Variants in ADAM32 observed in about 807,000 individuals in gnomAD.
ADAM32 encodes the protein disintegrin and metalloproteinase domain-containing protein 32.
In ADAM32, 89 loss-of-function variants were observed where a neutral mutation model predicts 114.9. The observed-to-expected ratio is 0.77, with a 90% CI of 0.65 to 0.92. The LOEUF is 0.92. Ranked by LOEUF, ADAM32 falls within the 40% of genes least tolerant of loss-of-function variation. The pLI is 0.00. For synonymous variants in ADAM32, 285 were observed against 307.5 expected, an observed-to-expected ratio of 0.93 and a Z score of 0.77; for missense variants, 870 against 932.8, an observed-to-expected ratio of 0.93 and a Z score of 0.88.
chr8:39,159,315 C>T (rs1804342737), intron 6 of ADAM32, among the ~76,000 whole-genome samples: 1 of 152,166 alleles, frequency 6.6e-6, no homozygotes, highest in Admixed American at 6.5e-5. Flanking sequence ...AGAGAAAAGA[C>T]TTCCTTGGTT....
chr8:39,151,328 T>C, intron 5 of ADAM32, 49 bp from the exon 6 acceptor site: 3 of 1,400,218 alleles, frequency 2.1e-6, no homozygotes, highest in Non-Finnish European at 2.9e-6. Context: ...AGAAATTCAT[T>C]ATATAGATTT....
intron 14 of ADAM32, among the ~76,000 whole-genome samples, chr8:39,231,136 T>C (rs1809709387): frequency 6.6e-6 from 1 of 152,154 alleles, no homozygotes; most frequent in South Asian, 2.1e-4. Flanking sequence ...TCAGTCAGTT[T>C]TGAGTTAATC....
chr8:39,223,331 A>C, intron 14 of ADAM32, 93 bp downstream of exon 14: 5 of 803,598 alleles, frequency 6.2e-6, no homozygotes, highest in South Asian at 3.0e-5. Flanking sequence ...TAAAATGTGG[A>C]ATGTTTTATA....
chr8:39,181,137 C>T (rs908811172), intron 10 of ADAM32, among the ~76,000 whole-genome samples: 2 of 152,228 alleles, frequency 1.3e-5, no homozygotes, highest in African/African-American at 4.8e-5. Flanking sequence ...CGCTTGGGTC[C>T]TTTTCCACAC....
chr8:39,181,318 G>A (rs766869104), intron 10 of ADAM32, among the ~76,000 whole-genome samples: 11 of 152,072 alleles, frequency 7.2e-5, no homozygotes, highest in African/African-American at 1.5e-4. Flanking sequence ...CAGACGTGCC[G>A]TCTTAAGAAC....
chr8:39,181,949 T>G (rs2129446947), intron 10 of ADAM32, among the ~76,000 whole-genome samples: 1 of 152,304 alleles, frequency 6.6e-6, no homozygotes, highest in South Asian at 2.1e-4. Flanking sequence ...TACGATAAAA[T>G]TGTGGGAGGA....
At chr8:39,121,402 A>G (rs1840583516) in intron 2 of ADAM32, among the ~76,000 whole-genome samples, 1 of 152,084 alleles carries the variant, frequency 6.6e-6, no homozygotes, top group African/African-American at 2.4e-5. Context: ...TCGAGCAATG[A>G]GAACACATGG....
Position 39,256,442 on chromosome 8 carries a change from A to G in ADAM32, c.2006-745A>G, listed in dbSNP as rs941423259. Among the ~76,000 whole-genome samples the G allele has an allele frequency of 3.9e-5, 6 of 152,010 alleles. No homozygotes were observed. The South Asian group carries it at 6.2e-4, about 16-fold the overall frequency. On this transcript the variant is annotated intron_variant, in intron 18 of 24. Coordinates refer to ENST00000379907, the MANE Select transcript of ADAM32 (RefSeq NM_145004.7). Reference sequence around the variant, plus strand: ...TCATTTAAATCAGAAAAATCCATCAATTTCTGCTTAGGAGATGACAGAAGT... The same window carrying G: ...TCATTTAAATCAGAAAAATCCATCAGTTTCTGCTTAGGAGATGACAGAAGT...
intron 10 of ADAM32, among the ~76,000 whole-genome samples, chr8:39,178,394 T>C (rs1185719255): frequency 2.0e-5 from 3 of 152,248 alleles, no homozygotes; most frequent in Non-Finnish European, 1.5e-5. Context: ...ATAAACTGGC[T>C]ATTCTGGTTA....
At chr8:39,162,257 G>A (rs1379988412) in intron 7 of ADAM32, among the ~76,000 whole-genome samples, 5 of 147,696 alleles carry the variant, frequency 3.4e-5, no homozygotes, top group African/African-American at 1.3e-4. Flanking sequence ...GAGAACATGC[G>A]GTGTTTGGTT....
At chr8:39,121,910 C>T (rs979774136) in intron 2 of ADAM32, among the ~76,000 whole-genome samples, 6 of 152,186 alleles carry the variant, frequency 3.9e-5, no homozygotes, top group Admixed American at 3.9e-4. Flanking sequence ...TATTCTTGAA[C>T]CTTAAGATCT....
chr8:39,255,722 T>C (rs1053285317), intron 18 of ADAM32, among the ~76,000 whole-genome samples: 5 of 152,146 alleles, frequency 3.3e-5, no homozygotes, highest in African/African-American at 1.2e-4. Flanking sequence ...CAGAAGCTTT[T>C]AAATTTAATT....
intron 14 of ADAM32, among the ~76,000 whole-genome samples, chr8:39,226,288 A>G (rs1464706326): frequency 6.6e-6 from 1 of 152,138 alleles, no homozygotes; most frequent in Non-Finnish European, 1.5e-5. Context: ...ATAAGAGGTA[A>G]AAAAGGAGAA....
At chr8:39,222,992 G>A (rs1809088221) in intron 13 of ADAM32, 48 bp from the exon 14 acceptor site, 2 of 1,441,906 alleles carry the variant, frequency 1.4e-6, no homozygotes, top group South Asian at 2.8e-5. Flanking sequence ...TTAACAAACA[G>A]TAATCCTATT....
At chr8:39,128,237 C>T (rs1170383373) in intron 2 of ADAM32, among the ~76,000 whole-genome samples, 1 of 152,120 alleles carries the variant, frequency 6.6e-6, no homozygotes, top group Non-Finnish European at 1.5e-5. Flanking sequence ...GGATAATTAG[C>T]TCTTCTTGTT....
chr8:39,281,297 C>A, intron 23 of ADAM32, 123 bp downstream of exon 23: 2 of 345,686 alleles, frequency 5.8e-6, no homozygotes, highest in Non-Finnish European at 1.0e-5. Context: ...AAGTCTACAC[C>A]AAACCCAACT....
In ADAM32 at chr8:39,270,852, G is replaced by A. The variant is rs1336509978; in HGVS notation, c.2163-24G>A. On this transcript the variant is annotated intron_variant, in intron 19 of 24. Coordinates refer to ENST00000379907, the MANE Select transcript of ADAM32 (RefSeq NM_145004.7). ...TGGCAAGTTTTCTAAGTACTAACAT[G>A]AGACATTTTCAATTTCTTTTTAGAT... 4.4e-6 allele frequency: 7 copies of A among 1,595,500 alleles called. No individual in the cohort carries two copies. The East Asian group carries it at 6.7e-5, about 15-fold the overall frequency.
In ADAM32 at chr8:39,225,546, A is replaced by G. The variant is rs567915693; in HGVS notation, c.1525+2308A>G. On this transcript the variant is annotated intron_variant, in intron 14 of 24. Transcript: ENST00000379907. ...GTGCCAAATGAAATTGCCCGGGGCCATGACCTCCCTGGTGGGAGAAAAAGA... is the reference window on the plus strand; with the variant it reads ...GTGCCAAATGAAATTGCCCGGGGCCGTGACCTCCCTGGTGGGAGAAAAAGA... Among the ~76,000 whole-genome samples the G allele has an allele frequency of 2.6e-5, 4 of 152,318 alleles. No individual in the cohort carries two copies. In the South Asian group the frequency reaches 8.3e-4, roughly 32 times the overall value.
chr8:39,270,418 T>G (rs1812639958), intron 19 of ADAM32, among the ~76,000 whole-genome samples: 3 of 152,192 alleles, frequency 2.0e-5, no homozygotes. Context: ...TTCTGGCTCC[T>G]GGTTTAGTTA....
Sources: gnomAD v4.1 joint callset for allele counts (sites outside exome capture counted in the v4.1 genomes callset) on GRCh38, gnomAD v4.1.1 for gene constraint, MANE v1.5 for transcripts, NCBI Gene and HGNC (gene_info 2026-07-23, HGNC 2026-07-21) for gene names.